The following FBXL4 variants were observed in gnomAD, a reference collection of about 807,000 sequenced individuals.
FBXL4 encodes the protein F-box and leucine rich repeat protein 4.
Under a neutral mutation model 58.9 loss-of-function variants are expected in FBXL4, and 40 were observed. That is an observed-to-expected ratio of 0.68 (90% confidence interval 0.53 to 0.88). FBXL4 has a LOEUF of 0.88. Among genes scored for constraint, FBXL4 ranks in the 40% least tolerant of loss-of-function variants. The pLI is 0.00. For missense variants in FBXL4, 676 were observed against 734.4 expected (o/e 0.92, Z 0.92); for synonymous variants, 263 against 265.5 (o/e 0.99, Z 0.09).
chr6:98,877,909 A>G (rs952148300), intron 8 of FBXL4, among the ~76,000 whole-genome samples: 1 of 152,252 alleles, frequency 6.6e-6, no homozygotes, highest in Non-Finnish European at 1.5e-5. Context: ...GGAAAAATAA[A>G]TATTTCTAAG....
intron 7 of FBXL4, among the ~76,000 whole-genome samples, chr6:98,888,181 T>C (rs750274618): frequency 6.6e-6 from 1 of 152,240 alleles, no homozygotes; most frequent in African/African-American, 2.4e-5. Context: ...GGCAAACTAC[T>C]GTCCACAGGC....
rs189025486 is a variant in FBXL4, at chr6:98,869,154, T to C, written c.*5124A>G. Reference sequence around the variant, plus strand: ...GGTGATGATTGGCAGTTAATGGTCATTGACAAGATTTTAAGGGTAGTTAAA... The same window carrying C: ...GGTGATGATTGGCAGTTAATGGTCACTGACAAGATTTTAAGGGTAGTTAAA... On this transcript the variant is annotated 3_prime_UTR_variant, in exon 10 of 10. Coordinates refer to ENST00000369244, the MANE Select transcript of FBXL4 (RefSeq NM_001278716.2). The C allele has an allele frequency of 3.9e-5, 6 of 152,310 alleles. No individual in the cohort carries two copies. Among genetic ancestry groups the C allele is most frequent in the Middle Eastern group, 3.4e-3 (1 of 294 alleles). 9.4% of individuals were successfully genotyped at this position (152,310 alleles called of 1,614,324 possible).
At chr6:98,924,338 C>T (rs537308619) in intron 4 of FBXL4, among the ~76,000 whole-genome samples, 2 of 152,290 alleles carry the variant, frequency 1.3e-5, no homozygotes, top group African/African-American at 4.8e-5. Context: ...AGGCGGATCA[C>T]CTGAGGTCAA....
At position 98,871,584 on chromosome 6, in the gene FBXL4, A is replaced by C. The variant is rs140642970; in HGVS notation, c.*2694T>G. The C allele has an allele frequency of 1.9e-4, 29 of 152,342 alleles. No homozygotes were observed. In the East Asian group the frequency reaches 5.4e-3, roughly 28 times the overall value. 9.4% of individuals were successfully genotyped at this position (152,342 alleles called of 1,614,324 possible). Reference sequence around the variant, plus strand: ...TGAAGCAAAATGATTACGTTTGTCAAATTTATAAAGCCTGTGAAAAGGTAA... The same window carrying C: ...TGAAGCAAAATGATTACGTTTGTCACATTTATAAAGCCTGTGAAAAGGTAA... On this transcript the variant is annotated 3_prime_UTR_variant, in exon 10 of 10. Transcript: ENST00000369244.
chr6:98,924,355 G>A (rs965153642), intron 4 of FBXL4, among the ~76,000 whole-genome samples: 7 of 152,082 alleles, frequency 4.6e-5, no homozygotes, highest in East Asian at 1.9e-4. Context: ...TCAAGAGTTC[G>A]AGACCAGCCT....
chr6:98,944,378 C>A (rs1444310958), intron 1 of FBXL4, among the ~76,000 whole-genome samples: 1 of 152,142 alleles, frequency 6.6e-6, no homozygotes, highest in Admixed American at 6.5e-5. Context: ...AAAAGAGGAA[C>A]ATTTCAACAG....
Position 98,872,157 on chromosome 6 carries a change from T to C in FBXL4, c.*2121A>G, listed in dbSNP as rs1188768446. ...AATTTGTAGCTCACACCATAGTGCC[T>C]GCAGTATTTTTTGGAGTTTGCAAAT... On this transcript the variant is annotated 3_prime_UTR_variant, in exon 10 of 10. Transcript: ENST00000369244. 2 of 152,336 alleles carry C rather than the reference T, an allele frequency of 1.3e-5. No individual in the cohort carries two copies. The highest frequency in any genetic ancestry group is 3.9e-4 in the East Asian group (2 of 5,192). 9.4% of individuals were successfully genotyped at this position (152,336 alleles called of 1,614,324 possible). A position where few individuals can be genotyped will look rare whatever the true frequency, so the allele number is the denominator to read the frequency against.
chr6:98,898,611 GA>G (rs552850410), intron 7 of FBXL4: 83 of 904,988 alleles, frequency 9.2e-5, no homozygotes, highest in South Asian at 3.1e-4. Flanking sequence ...TCTCAAAAAA[GA>G]AAAAAAAAAC....
intron 7 of FBXL4, chr6:98,896,902 T>C (rs901561148): frequency 1.6e-4 from 154 of 984,708 alleles, no homozygotes; most frequent in Non-Finnish European, 1.7e-4. Context: ...ACTTAAAAAA[T>C]TTGGTCATAT....
intron 9 of FBXL4, 145 bp from the exon 10 acceptor site, chr6:98,874,586 A>T (rs935709814): frequency 1.0e-6 from 1 of 963,392 alleles, no homozygotes; most frequent in African/African-American, 1.7e-5. Flanking sequence ...TTTTTCAAAC[A>T]TGACTTCATA....
At chr6:98,885,835 T>C (rs550551606) in intron 7 of FBXL4, among the ~76,000 whole-genome samples, 125 of 152,310 alleles carry the variant, frequency 8.2e-4, no homozygotes, top group Non-Finnish European at 1.5e-3. Context: ...ACCCTCCTAA[T>C]ACAGTTATAA....
chr6:98,945,540 G>A (rs930589412), intron 1 of FBXL4, among the ~76,000 whole-genome samples: 4 of 152,156 alleles, frequency 2.6e-5, no homozygotes, highest in East Asian at 3.8e-4. Context: ...AAGGATTTCT[G>A]TATTGCTTGA....
intron 1 of FBXL4, among the ~76,000 whole-genome samples, chr6:98,941,897 G>A (rs1359246779): frequency 6.6e-6 from 1 of 151,900 alleles, no homozygotes; most frequent in Non-Finnish European, 1.5e-5. Flanking sequence ...TAATTAATAG[G>A]TTATAGGATC....
intron 7 of FBXL4, among the ~76,000 whole-genome samples, chr6:98,890,598 A>C (rs1771190479): frequency 6.6e-6 from 1 of 152,196 alleles, no homozygotes; most frequent in Admixed American, 6.5e-5. Context: ...TTCCAATTTC[A>C]ATAAACTTGG....
At chr6:98,875,116 TAGAG>T (rs1352943395) in intron 9 of FBXL4, 2 of 300,342 alleles carry the variant, frequency 6.7e-6, no homozygotes, top group East Asian at 7.1e-5. Context: ...TTAATAAAAA[TAGAG>T]AGCGCAGCTC....
intron 7 of FBXL4, among the ~76,000 whole-genome samples, chr6:98,892,848 C>T (rs890880207): frequency 2.0e-5 from 3 of 152,174 alleles, no homozygotes; most frequent in African/African-American, 7.2e-5. Context: ...CTGAACCATA[C>T]TTATGGATTA....
intron 7 of FBXL4, among the ~76,000 whole-genome samples, chr6:98,889,375 C>G (rs1397549013): frequency 6.6e-6 from 1 of 151,990 alleles, no homozygotes; most frequent in East Asian, 1.9e-4. Flanking sequence ...GTGAAGCTTC[C>G]AAATACTCAG....
intron 7 of FBXL4, among the ~76,000 whole-genome samples, chr6:98,893,267 AG>A (rs1419341137): frequency 6.6e-6 from 1 of 152,196 alleles, no homozygotes; most frequent in African/African-American, 2.4e-5. Context: ...GCTATAACAA[AG>A]TATCATAGAC....
chr6:98,942,898 G>GA (rs1361177727), intron 1 of FBXL4, among the ~76,000 whole-genome samples: 34 of 152,118 alleles, frequency 2.2e-4, no homozygotes, highest in Non-Finnish European at 4.3e-4. Context: ...CAGGAGAGGG[G>GA]AAAAAATAGT....
Sources: allele counts gnomAD v4.1 joint callset (sites outside exome capture counted in the v4.1 genomes callset), GRCh38; gene constraint gnomAD v4.1.1; transcripts MANE v1.5; gene names NCBI Gene and HGNC (gene_info 2026-07-23, HGNC 2026-07-21).